ZNF362: variants seen among roughly 807,000 people sequenced by gnomAD.
ZNF362 encodes the protein rotund homolog.
In ZNF362, 11 loss-of-function variants were observed where a neutral mutation model predicts 42.9. The ratio of observed to expected loss-of-function variants is 0.26; its 90% CI spans 0.16 to 0.42. The LOEUF is 0.42. ZNF362 is among the 20% of genes least tolerant of loss of function. The pLI is 1.00. For missense variants in ZNF362, 362 were observed against 576.2 expected (o/e 0.63, Z 3.81); for synonymous variants, 255 against 257.3 (o/e 0.99, Z 0.09).
At position 33,299,034 on chromosome 1, in the gene ZNF362, C is replaced by T. The variant is rs994472670; in HGVS notation, c.1251C>T (p.Ile417=). The change falls in exon 9 of 9, where the codon ATC becomes ATT. Residue 417 remains isoleucine (I), a synonymous_variant. Transcript: ENST00000539719. ...AGTCCCCCGGCATCCCGGTGCGAAT[C>T]TCTCTCATCTGAGCCCACTGGAGGC... The part of the protein sequence containing the change: ...RTESPGIPVR[I]SLI The T allele has an allele frequency of 4.4e-6, 7 of 1,609,170 alleles. No individual in the cohort carries two copies. The East Asian group carries it at 1.1e-4, about 26-fold the overall frequency.
the ZNF362 span, among the ~76,000 whole-genome samples, chr1:33,225,602 G>A: frequency 5.3e-5 from 8 of 152,220 alleles, no homozygotes; most frequent in African/African-American, 1.7e-4. Flanking sequence ...CTCTCTGAAA[G>A]TAGATGGGGT....
chr1:33,228,929 G>A, the ZNF362 span, among the ~76,000 whole-genome samples: 3 of 152,098 alleles, frequency 2.0e-5, no homozygotes, highest in Non-Finnish European at 2.9e-5. Context: ...TGCTTGTTCG[G>A]TCCCTCCCTC....
At chr1:33,271,391 A>G (rs1391967523) in intron 2 of ZNF362, among the ~76,000 whole-genome samples, 2 of 152,198 alleles carry the variant, frequency 1.3e-5, no homozygotes, top group Non-Finnish European at 2.9e-5. Flanking sequence ...CAAGGCAGGC[A>G]TCACCTCCCC....
the ZNF362 span, among the ~76,000 whole-genome samples, chr1:33,204,978 G>C: frequency 6.6e-6 from 1 of 152,080 alleles, no homozygotes; most frequent in Non-Finnish European, 1.5e-5. Context: ...CCTATATATT[G>C]AACACTACAA....
At chr1:33,159,210 A>C in the ZNF362 span, among the ~76,000 whole-genome samples, 3 of 152,228 alleles carry the variant, frequency 2.0e-5, no homozygotes, top group Middle Eastern at 3.4e-3. The surrounding 1 kb of genome is among the most constrained non-coding windows in gnomAD (Gnocchi z 4.2). Flanking sequence ...AGGGACTGAG[A>C]GGGTTACAGT....
At chr1:33,287,067 G>A (rs1646038137) in intron 6 of ZNF362, among the ~76,000 whole-genome samples, 1 of 152,134 alleles carries the variant, frequency 6.6e-6, no homozygotes, top group Non-Finnish European at 1.5e-5. Context: ...GCAAAGTGAG[G>A]GACTTGCAAA....
the ZNF362 span, among the ~76,000 whole-genome samples, chr1:33,169,909 C>T: frequency 9.9e-5 from 15 of 152,164 alleles, no homozygotes; most frequent in Admixed American, 9.8e-4. Flanking sequence ...ACACATCTCT[C>T]AAGACCCAGA....
At chr1:33,177,602 A>G in the ZNF362 span, among the ~76,000 whole-genome samples, 1 of 152,174 alleles carries the variant, frequency 6.6e-6, no homozygotes, top group South Asian at 2.1e-4. This position sits in a 1 kb window ranked among gnomAD's most constrained non-coding sequence, Gnocchi z 4.1. Flanking sequence ...TTTCTCAACT[A>G]GAGGTGATTT....
At chr1:33,181,168 C>T in the ZNF362 span, 1 of 1,596,828 alleles carries the variant, frequency 6.3e-7, no homozygotes, top group South Asian at 1.1e-5. The surrounding 1 kb of genome is among the most constrained non-coding windows in gnomAD (Gnocchi z 6.5). Flanking sequence ...GGTCGCGCGG[C>T]GCGGCGCGCG....
chr1:33,141,218 T>C, the ZNF362 span, among the ~76,000 whole-genome samples: 1 of 151,892 alleles, frequency 6.6e-6, no homozygotes, highest in African/African-American at 2.4e-5. Context: ...TAGGCCCTCT[T>C]GTACCCCCGC....
At chr1:33,148,674 A>G in the ZNF362 span, among the ~76,000 whole-genome samples, 4 of 152,364 alleles carry the variant, frequency 2.6e-5, no homozygotes, top group Admixed American at 2.0e-4. Flanking sequence ...GTATGTATCT[A>G]TGTACATATA....
At chr1:33,159,644 G>T in the ZNF362 span, 1 of 1,578,258 alleles carries the variant, frequency 6.3e-7, no homozygotes, top group East Asian at 2.3e-5. This position sits in a 1 kb window ranked among gnomAD's most constrained non-coding sequence, Gnocchi z 4.2. Flanking sequence ...ATGGGTCGAG[G>T]AGGGGATGGT....
At chr1:33,173,674 CT>C in the ZNF362 span, among the ~76,000 whole-genome samples, 1 of 39,116 alleles carries the variant, frequency 2.6e-5, no homozygotes, top group African/African-American at 9.2e-5. Flanking sequence ...AGCACAGTTT[CT>C]TTCTTTTTTT....
At chr1:33,247,533 C>T in the ZNF362 span, among the ~76,000 whole-genome samples, 10 of 152,244 alleles carry the variant, frequency 6.6e-5, no homozygotes, top group South Asian at 2.1e-4. Flanking sequence ...CATTCAATTC[C>T]TGGCAAAAGG....
the ZNF362 span, chr1:33,164,395 C>G: frequency 6.6e-6 from 1 of 152,448 alleles, no homozygotes; most frequent in African/African-American, 2.4e-5. Context: ...CCTCACGACA[C>G]AGAGTCACTC....
intron 8 of ZNF362, 129 bp downstream of exon 8, chr1:33,295,434 G>C (rs967228780): frequency 1.9e-5 from 23 of 1,200,396 alleles, no homozygotes; most frequent in Non-Finnish European, 2.7e-5. Context: ...CTAGAGAAGG[G>C]AAGTGACACC....
the ZNF362 span, among the ~76,000 whole-genome samples, chr1:33,135,442 G>A: frequency 6.6e-6 from 1 of 152,196 alleles, no homozygotes; most frequent in Non-Finnish European, 1.5e-5. Flanking sequence ...CACCTGGCAC[G>A]TGGCAGTCCC....
At chr1:33,133,099 G>A in the ZNF362 span, among the ~76,000 whole-genome samples, 1 of 152,232 alleles carries the variant, frequency 6.6e-6, no homozygotes, top group African/African-American at 2.4e-5. Context: ...GAGACACTGT[G>A]GGGTCGAGGG....
At position 33,275,807 on chromosome 1, in the gene ZNF362, A is replaced by G. The variant is rs1645940408; in HGVS notation, c.39-293A>G. The stretch of plus-strand genomic sequence containing the variant: ...GGGGGATGGAGATTGGTTGGCCAGC[A>G]CTGGGGTGATAGGGGTGGGAGCTGG... On this transcript the variant is annotated intron_variant, in intron 2 of 8. Transcript: ENST00000539719. Among the ~76,000 whole-genome samples, 5 of 151,840 alleles carry G rather than the reference A, an allele frequency of 3.3e-5. No individual in the cohort carries two copies. The South Asian group carries it at 1.0e-3, about 31-fold the overall frequency.
Sources: allele counts gnomAD v4.1 joint callset (sites outside exome capture counted in the v4.1 genomes callset), GRCh38; gene constraint gnomAD v4.1.1; non-coding constraint Gnocchi (gnomAD v3.1); transcripts MANE v1.5; gene names NCBI Gene and HGNC (gene_info 2026-07-23, HGNC 2026-07-21).